Variants in SAAL1 observed in about 807,000 individuals in gnomAD.
SAAL1 encodes the protein protein SAAL1.
SAAL1 carries 42 observed loss-of-function variants against 59.8 expected under a neutral mutation model. The ratio of observed to expected loss-of-function variants is 0.70; its 90% CI spans 0.55 to 0.91. The LOEUF is 0.91. Ranked by LOEUF, SAAL1 falls within the 40% of genes least tolerant of loss-of-function variation. The pLI is 0.00. For missense variants in SAAL1, 542 were observed against 561.1 expected (o/e 0.97, Z 0.34); for synonymous variants, 191 against 194.3 (o/e 0.98, Z 0.14).
chr11:18,089,530 T>C lies in SAAL1; in HGVS notation c.590-20A>G. 1.9e-6 allele frequency: 3 copies of C among 1,590,406 alleles called. No homozygotes were observed. The highest frequency in any genetic ancestry group is 2.6e-6 in the Non-Finnish European group (3 of 1,173,192). The stretch of plus-strand genomic sequence containing the variant: ...AGTCAACTGCAGAGAATAAAACAGA[T>C]ATTGAAATGAAAAACAAACTGCTAA... On this transcript the variant is annotated intron_variant, in intron 6 of 11. Coordinates refer to ENST00000524803, the MANE Select transcript of SAAL1 (RefSeq NM_138421.3).
At chr11:18,092,400 A>C (rs961680180) in intron 3 of SAAL1, 76 bp from the exon 4 acceptor site, 1 of 989,646 alleles carries the variant, frequency 1.0e-6, no homozygotes, top group African/African-American at 1.6e-5. Flanking sequence ...TTGAACAAAA[A>C]CTTTCGCTGA....
In SAAL1 at chr11:18,087,227, T is replaced by C; in HGVS notation, c.771-2A>G. ...TCAAGCCATTCTGGATTTTCAGAAC[T>C]AAATAGGAAAAGTAAAAGCACTGAA... On this transcript the variant is annotated splice_acceptor_variant, in intron 7 of 11. Transcript: ENST00000524803. LOFTEE classifies it high-confidence loss of function. The C allele has an allele frequency of 1.9e-6, 3 of 1,599,774 alleles. No homozygotes were observed. The highest frequency in any genetic ancestry group is 2.6e-6 in the Non-Finnish European group (3 of 1,167,204).
chr11:18,105,629 T>G (rs1435532511), intron 1 of SAAL1, among the ~76,000 whole-genome samples: 1 of 152,312 alleles, frequency 6.6e-6, no homozygotes, highest in Admixed American at 6.5e-5. Flanking sequence ...TACACGATCA[T>G]GTATTTTTGG....
chr11:18,099,992 G>A (rs11024485), intron 2 of SAAL1, among the ~76,000 whole-genome samples: 26,762 of 152,214 alleles, frequency 0.18, 3,032 homozygotes, highest in Non-Finnish European at 0.25. Context: ...GGGAGCAAAA[G>A]GAGGCCAAAG....
chr11:18,086,696 G>A (rs895193822), intron 9 of SAAL1, among the ~76,000 whole-genome samples, 170 bp downstream of exon 9: 1 of 151,746 alleles, frequency 6.6e-6, no homozygotes, highest in Admixed American at 6.6e-5. Flanking sequence ...GCAAGACTCT[G>A]TTTCCAAAAA....
intron 9 of SAAL1, among the ~76,000 whole-genome samples, chr11:18,085,640 A>G (rs1848455957): frequency 6.6e-6 from 1 of 152,246 alleles, no homozygotes; most frequent in Non-Finnish European, 1.5e-5. Flanking sequence ...CTGAAAACTT[A>G]GAATGAAGAG....
At chr11:18,087,955 T>C (rs1160963964) in intron 7 of SAAL1, among the ~76,000 whole-genome samples, 1 of 152,234 alleles carries the variant, frequency 6.6e-6, no homozygotes, top group Non-Finnish European at 1.5e-5. Flanking sequence ...GGTACTAATG[T>C]AGCACTATGG....
At chr11:18,093,146 C>G (rs144604945) in intron 3 of SAAL1, among the ~76,000 whole-genome samples, 1 of 152,106 alleles carries the variant, frequency 6.6e-6, no homozygotes, top group Non-Finnish European at 1.5e-5. Context: ...GCTATCAGAT[C>G]GACCATCGGG....
At chr11:18,105,775 G>A in intron 1 of SAAL1, 132 bp downstream of exon 1, 1 of 1,196,468 alleles carries the variant, frequency 8.4e-7, no homozygotes, top group Non-Finnish European at 1.1e-6. Context: ...AAGGAGCAAG[G>A]TCCCGCAGCG....
chr11:18,081,592 C>T (rs1848410389), intron 10 of SAAL1, 89 bp from the exon 11 acceptor site: 3 of 951,016 alleles, frequency 3.2e-6, no homozygotes, highest in Non-Finnish European at 5.1e-6. Context: ...ATTCAATTCC[C>T]TCCTGACTTC....
chr11:18,103,259 T>C lies in SAAL1; in HGVS notation c.223A>G (p.Arg75Gly). The change falls in exon 2 of 12, where the codon AGA (arginine) becomes GGA (glycine). Residue 75 changes from arginine (R) to glycine (G), a missense_variant. Arg to Gly is a moderately radical substitution (Grantham distance 125). Coordinates refer to ENST00000524803, the MANE Select transcript of SAAL1 (RefSeq NM_138421.3). ...LDEEMENEIC[R>G]VWDMSMDEDV... ...TCATCCATTGACATATCCCATACTC[T>C]GCAAATTTCATTCTCCATTTCTTCA... is the stretch of plus-strand genomic sequence containing the variant. 1.2e-6 allele frequency: 2 copies of C among 1,613,334 alleles called. No homozygotes were observed. Among genetic ancestry groups the C allele is most frequent in the Non-Finnish European group, 1.7e-6 (2 of 1,179,322 alleles).
chr11:18,083,580 A>G lies in SAAL1; in HGVS notation c.1194T>C (p.Asp398=), dbSNP rs368227064. The change falls in exon 10 of 12, where the codon GAT becomes GAC. Residue 398 remains aspartate, a synonymous_variant. Transcript: ENST00000524803. Reference sequence around the variant, plus strand: ...TATTAGAAAGAAATTCACATAAAATATCCTTTAAGATTTTCAAGTGGAAAT... The same window carrying G: ...TATTAGAAAGAAATTCACATAAAATGTCCTTTAAGATTTTCAAGTGGAAAT... ...QDDFHLKILK[D]ILCEFLSNIF... 3 of 1,594,010 alleles carry G rather than the reference A, an allele frequency of 1.9e-6. No individual in the cohort carries two copies. The highest frequency in any genetic ancestry group is 1.3e-5 in the African/African-American group (1 of 74,662).
intron 10 of SAAL1, 104 bp from the exon 11 acceptor site, chr11:18,081,607 G>A: frequency 1.2e-6 from 1 of 850,194 alleles, no homozygotes; most frequent in Admixed American, 2.0e-5. Context: ...GACTTCATAG[G>A]CATTTCAAAT....
At chr11:18,090,369 T>A in intron 5 of SAAL1, 65 bp downstream of exon 5, 1 of 1,562,354 alleles carries the variant, frequency 6.4e-7, no homozygotes, top group Non-Finnish European at 8.6e-7. Context: ...AAATAAAAAA[T>A]TAACTTTTTT....
rs533393899 is a variant in SAAL1, at chr11:18,089,283, A to G, written c.770+47T>C. 6 of 1,420,210 alleles carry G rather than the reference A, an allele frequency of 4.2e-6. No individual in the cohort carries two copies. The African/African-American group carries it at 7.3e-5, about 17-fold the overall frequency. 88.0% of individuals were successfully genotyped at this position (1,420,210 alleles called of 1,614,324 possible). ...GACTTTTATATCTGAGAATACTTCT[A>G]GCAATTGCATTTTCCCAGAACATTT... On this transcript the variant is annotated intron_variant, in intron 7 of 11. Coordinates refer to ENST00000524803, the MANE Select transcript of SAAL1 (RefSeq NM_138421.3).
intron 6 of SAAL1, 42 bp from the exon 7 acceptor site, chr11:18,089,552 C>T (rs137933973): frequency 1.3e-6 from 2 of 1,570,630 alleles, no homozygotes; most frequent in East Asian, 4.6e-5. Context: ...AAACAAACTG[C>T]TAAAAGCAAT....
chr11:18,103,186 C>T (rs1306059788), intron 2 of SAAL1, 47 bp downstream of exon 2: 6 of 1,260,812 alleles, frequency 4.8e-6, no homozygotes, highest in Middle Eastern at 1.9e-4. Flanking sequence ...ATTCATTCAC[C>T]ATCTCCTCAC....
chr11:18,102,357 GCACCA>G (rs1194520273), intron 2 of SAAL1, among the ~76,000 whole-genome samples: 2 of 149,234 alleles, frequency 1.3e-5, no homozygotes, highest in Non-Finnish European at 2.9e-5. Context: ...AGCTGAGATC[GCACCA>G]CTGTACTCCA....
Position 18,089,470 on chromosome 11 carries a change from G to C in SAAL1, c.630C>G (p.Leu210=), listed in dbSNP as rs1019140131. ...LVKVGEVVDK[L]FDLDEKLMLE... ...ACATTAGTTTCTCATCCAAATCAAA[G>C]AGCTTGTCCACAACCTCCCCCACCT... The change falls in exon 7 of 12, where the codon CTC becomes CTG. Residue 210 remains leucine (L), a synonymous_variant. Transcript: ENST00000524803. 1 of 1,612,158 alleles carries C rather than the reference G, an allele frequency of 6.2e-7. No individual in the cohort carries two copies. The highest frequency in any genetic ancestry group is 1.3e-5 in the African/African-American group (1 of 74,770).
Sources: gnomAD v4.1 joint callset for allele counts (sites outside exome capture counted in the v4.1 genomes callset) on GRCh38, gnomAD v4.1.1 for gene constraint, MANE v1.5 for transcripts, NCBI Gene and HGNC (gene_info 2026-07-23, HGNC 2026-07-21) for gene names.